Variants in SHTN1 observed in about 807,000 individuals in gnomAD.
SHTN1 encodes shootin 1.
SHTN1 carries 42 observed loss-of-function variants against 83.1 expected under a neutral mutation model. That is an observed-to-expected ratio of 0.51 (90% CI 0.39 to 0.65). The LOEUF (loss-of-function observed/expected upper bound fraction) is 0.65, where lower values mean the gene tolerates loss of function less well. SHTN1 is among the 30% of genes least tolerant of loss of function. The pLI, the probability that SHTN1 is intolerant of heterozygous loss-of-function variation, is 0.00. For synonymous variants in SHTN1, 224 were observed against 247.7 expected, an observed-to-expected ratio of 0.90 and a Z score of 0.90; for missense variants, 622 against 737.8, an observed-to-expected ratio of 0.84 and a Z score of 1.82.
In SHTN1 at chr10:116,885,906, G is replaced by C. The variant is rs535535951; in HGVS notation, c.*438C>G. The C allele has an allele frequency of 1.0e-4, 17 of 164,754 alleles. No individual in the cohort carries two copies. In the South Asian group the frequency reaches 2.8e-3, roughly 27 times the overall value. 10.2% of individuals were successfully genotyped at this position (164,754 alleles called of 1,614,324 possible). A position where few individuals can be genotyped will look rare whatever the true frequency, so the allele number is the denominator to read the frequency against. ...TGCTGCTGCAGTTTCTCCATCAAGA[G>C]GATCAGACCCAAAACAGAAGCTTCT... On this transcript the variant is annotated 3_prime_UTR_variant, in exon 17 of 17. Coordinates refer to ENST00000355371, the MANE Select transcript of SHTN1 (RefSeq NM_001127211.3).
At position 116,886,210 on chromosome 10, in the gene SHTN1, T is replaced by C. The variant is rs928123225; in HGVS notation, c.*134A>G. 1.6e-6 allele frequency: 2 copies of C among 1,250,614 alleles called. No homozygotes were observed. The highest frequency in any genetic ancestry group is 2.5e-5 in the East Asian group (1 of 39,268). 77.5% of individuals were successfully genotyped at this position (1,250,614 alleles called of 1,614,324 possible). A position where few individuals can be genotyped will look rare whatever the true frequency, so the allele number is the denominator to read the frequency against. On this transcript the variant is annotated 3_prime_UTR_variant, in exon 17 of 17. Transcript: ENST00000355371. ...TGTTTATAGTTGCTACTTACAAAAGTGACACCAGAAAAGAACCTGTATTCT... is the reference window on the plus strand; with the variant it reads ...TGTTTATAGTTGCTACTTACAAAAGCGACACCAGAAAAGAACCTGTATTCT...
At chr10:117,095,215 T>G (rs1853488135) in intron 1 of SHTN1, among the ~76,000 whole-genome samples, 1 of 152,192 alleles carries the variant, frequency 6.6e-6, no homozygotes, top group Non-Finnish European at 1.5e-5. Flanking sequence ...AAATAACCTG[T>G]CAATGTCCGC....
chr10:116,954,159 T>G lies in SHTN1; in HGVS notation c.319A>C (p.Lys107Gln). Residue 107 changes from lysine to glutamine, a missense_variant, in exon 5 of 17, where the codon AAG becomes CAG. Lys to Gln is a moderately conservative substitution (Grantham distance 53, BLOSUM62 1). Around this residue, in one of 3 missense-constraint regions of SHTN1, gnomAD observed 383 missense variants for 455.8 expected, o/e 0.84. Transcript: ENST00000355371. ...TCAGTTATTACATCTGGTCCCAGCT[T>G]GGCCATGTACAACATGCTGATTCTT... ...LKRISMLYMA[K>Q]LGPDVITEEI... 1 of 1,613,714 alleles carries G rather than the reference T, an allele frequency of 6.2e-7. No homozygotes were observed. The highest frequency in any genetic ancestry group is 8.5e-7 in the Non-Finnish European group (1 of 1,179,754).
chr10:117,105,155 T>C lies in SHTN1; in HGVS notation c.-189+21152A>G, dbSNP rs190926116. Among the ~76,000 whole-genome samples the C allele has an allele frequency of 3.7e-4, 57 of 152,300 alleles. 1 individual carries two copies. The highest frequency in any genetic ancestry group is 6.9e-4 in the Non-Finnish European group (47 of 68,032). ...ACACTCTTACTATGCATATCTCATATTTGGTGACTTTATGTGAACATACCA... is the reference window on the plus strand; with the variant it reads ...ACACTCTTACTATGCATATCTCATACTTGGTGACTTTATGTGAACATACCA... On this transcript the variant is annotated intron_variant, in intron 1 of 17. Transcript: ENST00000392901.
chr10:116,945,772 T>G (rs981977600), intron 7 of SHTN1, among the ~76,000 whole-genome samples: 12 of 152,186 alleles, frequency 7.9e-5, no homozygotes, highest in Non-Finnish European at 1.6e-4. Flanking sequence ...AGATGACATG[T>G]CTAACATTTT....
intron 1 of SHTN1, among the ~76,000 whole-genome samples, chr10:117,056,843 C>T (rs1852833075): frequency 6.6e-6 from 1 of 151,934 alleles, no homozygotes; most frequent in African/African-American, 2.4e-5. Flanking sequence ...AAAATAAAAA[C>T]AAAAACAAAA....
rs533551790 is a variant in SHTN1, at chr10:117,099,382, AT to A, written c.-189+26924del. Among the ~76,000 whole-genome samples, 591 of 152,258 alleles carry A rather than the reference AT, an allele frequency of 3.9e-3. 4 individuals carry two copies. Among genetic ancestry groups the A allele is most frequent in the African/African-American group, 0.013 (559 of 41,566 alleles). On this transcript the variant is annotated intron_variant, in intron 1 of 17. Transcript: ENST00000392901. ...AACCAGTACCCCAAAAACTATTGGAATAAAAAAATTTTAAGTATAATATTCC... is the reference window on the plus strand; with the variant it reads ...AACCAGTACCCCAAAAACTATTGGAAAAAAAAATTTTAAGTATAATATTCC...
At position 117,073,422 on chromosome 10, in the gene SHTN1, T is replaced by C. The variant is rs529660948; in HGVS notation, c.-188-24912A>G. Among the ~76,000 whole-genome samples, 13 of 152,352 alleles carry C rather than the reference T, an allele frequency of 8.5e-5. No individual in the cohort carries two copies. In the East Asian group the frequency reaches 2.1e-3, roughly 25 times the overall value. On this transcript the variant is annotated intron_variant, in intron 1 of 17. Coordinates refer to the SHTN1 transcript ENST00000392901. ...TACATACTATTATTTAGCCATTTTATAGATGAGAAGCTAAGCAGATAGATG... is the reference window on the plus strand; with the variant it reads ...TACATACTATTATTTAGCCATTTTACAGATGAGAAGCTAAGCAGATAGATG...
Position 116,884,483 on chromosome 10 carries a change from C to T in SHTN1, c.*1861G>A. On this transcript the variant is annotated 3_prime_UTR_variant, in exon 17 of 17. Coordinates refer to ENST00000355371, the MANE Select transcript of SHTN1 (RefSeq NM_001127211.3). ...TCCCTAGTCCAGCTAACACATTTCA[C>T]CCAAAGGGCAACTTCTTACTCTAGA... 1 of 335,872 alleles carries T rather than the reference C, an allele frequency of 3.0e-6. No individual in the cohort carries two copies. Among genetic ancestry groups the T allele is most frequent in the South Asian group, 2.3e-5 (1 of 43,622 alleles). 20.8% of individuals were successfully genotyped at this position (335,872 alleles called of 1,614,324 possible).
chr10:117,050,203 A>G (rs1484907584), intron 1 of SHTN1, among the ~76,000 whole-genome samples: 1 of 152,180 alleles, frequency 6.6e-6, no homozygotes, highest in Non-Finnish European at 1.5e-5. Flanking sequence ...TCAATAAAAC[A>G]AAGCCTTCTT....
At chr10:117,004,244 A>G (rs141175630) in intron 1 of SHTN1, among the ~76,000 whole-genome samples, 106 of 152,232 alleles carry the variant, frequency 7.0e-4, no homozygotes, top group African/African-American at 2.2e-3. Context: ...GGTAATAATG[A>G]TAAGTGTTTA....
intron 8 of SHTN1, among the ~76,000 whole-genome samples, chr10:116,943,734 T>A (rs1259764739): frequency 1.3e-5 from 2 of 152,226 alleles, no homozygotes; most frequent in Non-Finnish European, 2.9e-5. Flanking sequence ...TCAAATGTCA[T>A]TCCCCTAATG....
At chr10:117,074,056 C>T (rs943776760) in intron 1 of SHTN1, among the ~76,000 whole-genome samples, 3 of 152,068 alleles carry the variant, frequency 2.0e-5, no homozygotes, top group Admixed American at 6.6e-5. Context: ...CGTTAAGTCC[C>T]GACATTGTGG....
chr10:116,958,825 T>C (rs993677157), intron 4 of SHTN1, among the ~76,000 whole-genome samples: 7 of 152,218 alleles, frequency 4.6e-5, no homozygotes, highest in African/African-American at 1.7e-4. Flanking sequence ...AAAATTAACT[T>C]GTCCAAAATC....
At chr10:116,891,346 T>C (rs1847336939) in intron 16 of SHTN1, among the ~76,000 whole-genome samples, 1 of 152,250 alleles carries the variant, frequency 6.6e-6, no homozygotes, top group African/African-American at 2.4e-5. Flanking sequence ...TAACACAATC[T>C]GGTGAATCAA....
chr10:116,963,973 G>GT (rs34054568), intron 3 of SHTN1, among the ~76,000 whole-genome samples: 19,221 of 146,022 alleles, frequency 0.13, 2,386 homozygotes, highest in African/African-American at 0.32. Flanking sequence ...TAGGGTAACT[G>GT]TTTTTTTTTT....
intron 2 of SHTN1, among the ~76,000 whole-genome samples, chr10:117,036,199 G>C (rs1261697181): frequency 6.6e-6 from 1 of 151,980 alleles, no homozygotes; most frequent in Non-Finnish European, 1.5e-5. Context: ...TGTAAATTTA[G>C]TACAACCACT....
intron 1 of SHTN1, among the ~76,000 whole-genome samples, chr10:117,065,875 A>G (rs1852992162): frequency 8.6e-5 from 3 of 34,976 alleles, no homozygotes; most frequent in Admixed American, 3.7e-4. Context: ...GGAGGGAGGG[A>G]GGGAGGTGGG....
chr10:117,046,601 A>T (rs1486123053), intron 2 of SHTN1, among the ~76,000 whole-genome samples: 2 of 152,244 alleles, frequency 1.3e-5, no homozygotes, highest in African/African-American at 2.4e-5. Context: ...ATAAGAGTCA[A>T]GAACTAAAAA....
Sources: gnomAD v4.1 joint callset for allele counts (sites outside exome capture counted in the v4.1 genomes callset) on GRCh38, gnomAD v4.1.1 for gene constraint, gnomAD v4.1.1 regional missense constraint, MANE v1.5 for transcripts, NCBI Gene and HGNC (gene_info 2026-07-23, HGNC 2026-07-21) for gene names.